Variants in FZD4 observed in about 807,000 individuals in gnomAD.
FZD4 encodes the protein frizzled-4.
In FZD4, 16 loss-of-function variants were observed where a neutral mutation model predicts 37.3. The ratio of observed to expected loss-of-function variants is 0.43; its 90% CI spans 0.29 to 0.65. FZD4 has a LOEUF of 0.65. Among genes scored for constraint, FZD4 ranks in the 30% least tolerant of loss-of-function variants. FZD4 has a pLI of 0.16. For synonymous variants in FZD4, 246 were observed against 254.8 expected (o/e 0.97, Z 0.33); for missense variants, 599 against 674.3 (o/e 0.89, Z 1.24).
rs1351971074 is a variant in FZD4 at position 86,952,304 on chromosome 11, T to C, written c.452A>G (p.Gln151Arg). 6 of 1,614,136 alleles carry C rather than the reference T, an allele frequency of 3.7e-6. No homozygotes were observed. Among genetic ancestry groups the C allele is most frequent in the Non-Finnish European group, 5.1e-6 (6 of 1,180,050 alleles). ...CATGCACATGTGGTTGTGGTCGTTC[T>C]GTGGTGGGAATTTGCTGCAGTTCAG... is the stretch of plus-strand genomic sequence containing the variant. ...ESLNCSKFPP[Q>R]NDHNHMCMEG... The change falls in exon 2 of 2, where the codon CAG becomes CGG. Residue 151 changes from glutamine to arginine, a missense_variant. Around this residue, in one of 3 missense-constraint regions of FZD4, gnomAD observed 357 missense variants for 396.1 expected, o/e 0.90. Coordinates refer to ENST00000531380, the MANE Select transcript of FZD4 (RefSeq NM_012193.4).
At position 86,951,605 on chromosome 11, in the gene FZD4, A is replaced by C; in HGVS notation, c.1151T>G (p.Leu384Arg). 6.2e-7 allele frequency: 1 copy of C among 1,614,172 alleles called. No homozygotes were observed. ...TGLCYVGNQN[L>R]DALTGFVVAP... is the part of the protein sequence containing the mutation. ...CACCACGAACCCGGTGAGGGCATCGAGATTTTGGTTTCCAACATAGCACAA... is the reference window on the plus strand; with the variant it reads ...CACCACGAACCCGGTGAGGGCATCGCGATTTTGGTTTCCAACATAGCACAA... Residue 384 changes from leucine (L) to arginine (R), a missense_variant, in exon 2 of 2, where the codon CTC becomes CGC. By Grantham distance (102) the Leu-to-Arg change is moderately radical (BLOSUM62 -2). Around this residue, in one of 3 missense-constraint regions of FZD4, gnomAD observed 203 missense variants for 196.8 expected, o/e 1.03. Transcript: ENST00000531380.
rs992852800 is a variant in FZD4, at chr11:86,954,787, G to A, written c.285+14C>T. On this transcript the variant is annotated intron_variant, in intron 1 of 1. Coordinates refer to ENST00000531380, the MANE Select transcript of FZD4 (RefSeq NM_012193.4). ...CCAAGGGGTCCCGCCAGGGGTGGGG[G>A]TGGGGGCGCCCACCTGCAGCTGGCT... 1.1e-5 allele frequency: 17 copies of A among 1,593,254 alleles called. No individual in the cohort carries two copies. Among genetic ancestry groups the A allele is most frequent in the Middle Eastern group, 1.7e-4 (1 of 6,040 alleles).
At position 86,948,950 on chromosome 11, in the gene FZD4, C is replaced by T. The variant is rs1949266913; in HGVS notation, c.*2192G>A. The T allele has an allele frequency of 6.6e-6, 1 of 152,644 alleles. No individual in the cohort carries two copies. Among genetic ancestry groups the T allele is most frequent in the African/African-American group, 2.4e-5 (1 of 41,460 alleles). The allele number at this position is 152,644 out of a possible 1,614,324, so 9.5% of individuals were successfully genotyped here. A position where few individuals can be genotyped will look rare whatever the true frequency, so the allele number is the denominator to read the frequency against. ...AGAGCGTGAGTAAGGGCAGGCTCTG[C>T]CCCTGGGTGCGTGCTCCAGGGCCGT... is the stretch of plus-strand genomic sequence containing the variant. On this transcript the variant is annotated 3_prime_UTR_variant, in exon 2 of 2. Coordinates refer to ENST00000531380, the MANE Select transcript of FZD4 (RefSeq NM_012193.4).
chr11:86,949,856 A>G lies in FZD4; in HGVS notation c.*1286T>C, dbSNP rs1565396243. 6.6e-6 allele frequency: 1 copy of G among 152,664 alleles called. No homozygotes were observed. Among genetic ancestry groups the G allele is most frequent in the Non-Finnish European group, 1.5e-5 (1 of 68,044 alleles). The allele number at this position is 152,664 out of a possible 1,614,324, so 9.5% of individuals were successfully genotyped here. ...CACACTGCCTCCAGTGAAATCTTAC[A>G]AGGAGCCTTTGCCAATTACTAGGAA... On this transcript the variant is annotated 3_prime_UTR_variant, in exon 2 of 2. Coordinates refer to ENST00000531380, the MANE Select transcript of FZD4 (RefSeq NM_012193.4).
At position 86,947,201 on chromosome 11, in the gene FZD4, TCAAA is replaced by T. The variant is rs34325935; in HGVS notation, c.*3937_*3940del. 64,702 of 164,810 alleles carry T rather than the reference TCAAA, an allele frequency of 0.39. 13,498 individuals carry two copies. The highest frequency in any genetic ancestry group is 0.45 in the Middle Eastern group (155 of 346). 10.2% of individuals were successfully genotyped at this position (164,810 alleles called of 1,614,324 possible). On this transcript the variant is annotated 3_prime_UTR_variant, in exon 2 of 2. Coordinates refer to ENST00000531380, the MANE Select transcript of FZD4 (RefSeq NM_012193.4). ...CTGGGTGACAGAGCAAGACCCTGTC[TCAAA>T]CAAACAAACAAACAAACAAACAAAC... is the stretch of plus-strand genomic sequence containing the variant.
At position 86,951,273 on chromosome 11, in the gene FZD4, T is replaced by C. The variant is rs201914515; in HGVS notation, c.1483A>G (p.Ile495Val). Residue 495 changes from isoleucine to valine, a missense_variant, in exon 2 of 2, where the codon ATT becomes GTT. Ile to Val is a conservative substitution (Grantham distance 29). Coordinates refer to ENST00000531380, the MANE Select transcript of FZD4 (RefSeq NM_012193.4). ...GTGTGAAGAGTTTTGGCAGACCAAA[T>C]CCACATGCCTGAAGTGATGCCCACC... ...LLVGITSGMWIWSAKTLHTWQ... is the reference protein window; with the variant it reads ...LLVGITSGMWVWSAKTLHTWQ... 6.2e-7 allele frequency: 1 copy of C among 1,614,196 alleles called. No individual in the cohort carries two copies.
In FZD4 at chr11:86,950,782, A is replaced by G. The variant is rs1217003544; in HGVS notation, c.*360T>C. ...TTAATATTTCTCCCTGCTAGTTACC[A>G]ACTCACAGCTCAAATCCCACCCTGC... On this transcript the variant is annotated 3_prime_UTR_variant, in exon 2 of 2. Coordinates refer to ENST00000531380, the MANE Select transcript of FZD4 (RefSeq NM_012193.4). The G allele has an allele frequency of 3.1e-6, 1 of 324,320 alleles. No individual in the cohort carries two copies. The highest frequency in any genetic ancestry group is 5.8e-6 in the Non-Finnish European group (1 of 172,866). 20.1% of individuals were successfully genotyped at this position (324,320 alleles called of 1,614,324 possible).
At chr11:86,953,039 G>T (rs1019020294) in intron 1 of FZD4, 1 of 152,704 alleles carries the variant, frequency 6.5e-6, no homozygotes, top group African/African-American at 2.4e-5. Context: ...TGCAGATTGA[G>T]GTCTCTGGTC....
At chr11:86,953,622 C>CTT (rs201227566) in intron 1 of FZD4, among the ~76,000 whole-genome samples, 4 of 146,824 alleles carry the variant, frequency 2.7e-5, no homozygotes, top group African/African-American at 9.9e-5. Flanking sequence ...CTTTTCTTTT[C>CTT]TTTTTTTTTT....
chr11:86,950,731 T>C lies in FZD4; in HGVS notation c.*411A>G, dbSNP rs553247658. ...TGCTATCTGAAAGACCCAGTTAGTATTTAAAATGGTAAAGGGTTAAAAAAG... is the reference window on the plus strand; with the variant it reads ...TGCTATCTGAAAGACCCAGTTAGTACTTAAAATGGTAAAGGGTTAAAAAAG... On this transcript the variant is annotated 3_prime_UTR_variant, in exon 2 of 2. Transcript: ENST00000531380. 7 of 254,784 alleles carry C rather than the reference T, an allele frequency of 2.7e-5. No homozygotes were observed. Among genetic ancestry groups the C allele is most frequent in the African/African-American group, 8.8e-5 (4 of 45,250 alleles). 15.8% of individuals were successfully genotyped at this position (254,784 alleles called of 1,614,324 possible). A position where few individuals can be genotyped will look rare whatever the true frequency, so the allele number is the denominator to read the frequency against.
chr11:86,947,638 T>C lies in FZD4; in HGVS notation c.*3504A>G, dbSNP rs1172001261. The C allele has an allele frequency of 1.3e-5, 2 of 152,200 alleles. No homozygotes were observed. 9.4% of individuals were successfully genotyped at this position (152,200 alleles called of 1,614,324 possible). A position where few individuals can be genotyped will look rare whatever the true frequency, so the allele number is the denominator to read the frequency against. Reference sequence around the variant, plus strand: ...TTCTCCAGTTTCAGGCCCAAGTAAGTTGCCAGTTCAGCAACAGTCTCAGAG... The same window carrying C: ...TTCTCCAGTTTCAGGCCCAAGTAAGCTGCCAGTTCAGCAACAGTCTCAGAG... On this transcript the variant is annotated 3_prime_UTR_variant, in exon 2 of 2. Coordinates refer to ENST00000531380, the MANE Select transcript of FZD4 (RefSeq NM_012193.4).
rs550787317 is a variant in FZD4, at chr11:86,951,015, G to C, written c.*127C>G. 9.9e-7 allele frequency: 1 copy of C among 1,009,494 alleles called. No individual in the cohort carries two copies. The highest frequency in any genetic ancestry group is 1.6e-6 in the Non-Finnish European group (1 of 641,158). The allele number at this position is 1,009,494 out of a possible 1,614,324, so 62.5% of individuals were successfully genotyped here. Reference sequence around the variant, plus strand: ...TCGGGGTGGGAGGCAGTGGGTTGACGGGGGTCACTTAATTGTTGCTAGTTT... The same window carrying C: ...TCGGGGTGGGAGGCAGTGGGTTGACCGGGGTCACTTAATTGTTGCTAGTTT... On this transcript the variant is annotated 3_prime_UTR_variant, in exon 2 of 2. Coordinates refer to ENST00000531380, the MANE Select transcript of FZD4 (RefSeq NM_012193.4).
chr11:86,951,714 G>A lies in FZD4; in HGVS notation c.1042C>T (p.His348Tyr). ...EAIEMHSSYF[H>Y]IAAWAIPAVK... ...GCGGGGATGGCCCAGGCTGCAATGT[G>A]GAAATAAGAGCTGTGCATTTCAATG... Residue 348 changes from histidine to tyrosine, a missense_variant, in exon 2 of 2, where the codon CAC (histidine) becomes TAC (tyrosine). By Grantham distance (83) the His-to-Tyr change is moderately conservative. This residue lies in a region of FZD4 where 39 missense variants were observed against 81.4 expected (regional missense o/e 0.48). Transcript: ENST00000531380. 6.2e-7 allele frequency: 1 copy of A among 1,614,116 alleles called. No homozygotes were observed. Among genetic ancestry groups the A allele is most frequent in the African/African-American group, 1.3e-5 (1 of 75,024 alleles).
In FZD4 at chr11:86,951,935, G is replaced by A. The variant is rs566529091; in HGVS notation, c.821C>T (p.Thr274Ile). 5 of 1,613,874 alleles carry A rather than the reference G, an allele frequency of 3.1e-6. No individual in the cohort carries two copies. Among genetic ancestry groups the A allele is most frequent in the African/African-American group, 1.3e-5 (1 of 75,030 alleles). Residue 274 changes from threonine to isoleucine, a missense_variant, in exon 2 of 2, where the codon ACT becomes ATT. Physicochemically the swap from Thr to Ile is moderately conservative, Grantham distance 89 (BLOSUM62 -1). Transcript: ENST00000531380. Reference protein sequence around the residue: ...IYSIAYIVRLTVGRERISCDF... With the variant: ...IYSIAYIVRLIVGRERISCDF... ...ACAGGATATCCTTTCCCGGCCTACA[G>A]TCAGCCTGACAATATAAGCAATGCT...
Position 86,955,282 on chromosome 11 carries a change from G to A in FZD4, c.-197C>T, listed in dbSNP as rs1283462556. ...ATTTTAGACGTCCCGGGCCGAGGCC[G>A]AGGGACAGGCTGCGAGGGTCATGGC... On this transcript the variant is annotated 5_prime_UTR_variant, in exon 1 of 2. Transcript: ENST00000531380. 4.2e-6 allele frequency: 2 copies of A among 473,888 alleles called. No individual in the cohort carries two copies. Among genetic ancestry groups the A allele is most frequent in the East Asian group, 3.6e-5 (1 of 28,038 alleles). 29.4% of individuals were successfully genotyped at this position (473,888 alleles called of 1,614,324 possible). A position where few individuals can be genotyped will look rare whatever the true frequency, so the allele number is the denominator to read the frequency against.
rs1313808802 is a variant in FZD4, at chr11:86,947,787, G to A, written c.*3355C>T. ...TGCCCTGAGGTTTGGCCTATATGAA[G>A]CAGGAGAAAGGAATCTACCAGAAAG... On this transcript the variant is annotated 3_prime_UTR_variant, in exon 2 of 2. Coordinates refer to ENST00000531380, the MANE Select transcript of FZD4 (RefSeq NM_012193.4). 1 of 152,246 alleles carries A rather than the reference G, an allele frequency of 6.6e-6. No homozygotes were observed. The highest frequency in any genetic ancestry group is 2.4e-5 in the African/African-American group (1 of 41,426). 9.4% of individuals were successfully genotyped at this position (152,246 alleles called of 1,614,324 possible).
rs775641791 is a variant in FZD4, at chr11:86,951,386, T to TA, written c.1369dup (p.Tyr457LeufsTer2). On this transcript the variant is annotated frameshift_variant, in exon 2 of 2. Coordinates refer to ENST00000531380, the MANE Select transcript of FZD4 (RefSeq NM_012193.4). LOFTEE classifies it high-confidence loss of function. ...AAAAAGTGCCCAGTTGGAGATTTCA[T>TA]AAAAATAACAGGCAATCACACACGT... 6.2e-7 allele frequency: 1 copy of TA among 1,614,038 alleles called. No individual in the cohort carries two copies. The highest frequency in any genetic ancestry group is 1.1e-5 in the South Asian group (1 of 91,072).
intron 1 of FZD4, chr11:86,954,301 A>G: frequency 2.0e-6 from 2 of 985,106 alleles, no homozygotes; most frequent in Non-Finnish European, 2.4e-6. Context: ...CCACTCCTTC[A>G]TGCATGACCT....
chr11:86,952,498 CAA>C, intron 1 of FZD4, 28 bp from the exon 2 acceptor site: 1 of 1,603,332 alleles, frequency 6.2e-7, no homozygotes, highest in Non-Finnish European at 8.5e-7. Flanking sequence ...TGAACACACA[CAA>C]AAAAAACAAT....
Sources: gnomAD v4.1 joint callset for allele counts (sites outside exome capture counted in the v4.1 genomes callset) on GRCh38, gnomAD v4.1.1 for gene constraint, gnomAD v4.1.1 regional missense constraint, MANE v1.5 for transcripts, NCBI Gene and HGNC (gene_info 2026-07-23, HGNC 2026-07-21) for gene names.